SUPT3H: variants seen among roughly 807,000 people sequenced by gnomAD.
The protein encoded by SUPT3H is SPT3 homolog, SAGA and STAGA complex component.
SUPT3H carries 44 observed loss-of-function variants against 44.3 expected under a neutral mutation model. The observed-to-expected ratio is 0.99, with a 90% CI of 0.78 to 1.28. SUPT3H has a LOEUF of 1.28. Among genes scored for constraint, SUPT3H ranks in the 50% most tolerant of loss-of-function variants. The probability of loss-of-function intolerance (pLI) is 0.00; values close to 1 mark genes in which losing one functional copy is unlikely to be tolerated. For synonymous variants in SUPT3H, 124 were observed against 125.6 expected (o/e 0.99, Z 0.09); for missense variants, 380 against 387.1 (o/e 0.98, Z 0.15).
intron 3 of SUPT3H, among the ~76,000 whole-genome samples, chr6:45,022,838 C>G (rs1295264857): frequency 6.6e-6 from 1 of 152,076 alleles, no homozygotes; most frequent in Admixed American, 6.6e-5. Context: ...GCACTTAGCC[C>G]TATGGAACCT....
intron 2 of SUPT3H, among the ~76,000 whole-genome samples, chr6:45,167,425 C>T (rs1810068556): frequency 6.6e-6 from 1 of 152,102 alleles, no homozygotes; most frequent in African/African-American, 2.4e-5. Context: ...AATTCTAATC[C>T]CTATGTGAGA....
intron 10 of SUPT3H, among the ~76,000 whole-genome samples, chr6:44,904,469 G>GTA (rs1765645652): frequency 6.6e-6 from 1 of 152,144 alleles, no homozygotes; most frequent in African/African-American, 2.4e-5. Context: ...CAAGGGACAT[G>GTA]AAGGACCTCT....
At position 45,011,619 on chromosome 6, in the gene SUPT3H, T is replaced by C. The variant is rs140705074; in HGVS notation, c.364+3182A>G. 3.3e-5 allele frequency among the ~76,000 whole-genome samples: 5 copies of C among 152,176 alleles called. No individual in the cohort carries two copies. The East Asian group carries it at 7.7e-4, about 24-fold the overall frequency. On this transcript the variant is annotated intron_variant, in intron 5 of 10. Coordinates refer to ENST00000371459, the MANE Select transcript of SUPT3H (RefSeq NM_003599.4). ...CCCAACATAACAATTTTTATATACA[T>C]AGTGTTTTATATAGCTGCTTTATAA...
In SUPT3H at chr6:45,314,404, C is replaced by A. The variant is rs756751463; in HGVS notation, c.101+50797G>T. On this transcript the variant is annotated intron_variant, in intron 2 of 10. Coordinates refer to ENST00000371459, the MANE Select transcript of SUPT3H (RefSeq NM_003599.4). ...TTTACCTTGGAAACCCTAAGTACTT[C>A]TCCAGAAAGCTCCTAGAATTGATAA... is the stretch of plus-strand genomic sequence containing the variant. Among the ~76,000 whole-genome samples the A allele has an allele frequency of 5.3e-5, 8 of 152,138 alleles. No homozygotes were observed. In the South Asian group the frequency reaches 6.2e-4, roughly 12 times the overall value.
intron 3 of SUPT3H, among the ~76,000 whole-genome samples, chr6:45,036,556 C>A (rs139531801): frequency 1.5e-3 from 222 of 152,228 alleles, no homozygotes; most frequent in African/African-American, 5.1e-3. Context: ...TAAAAAGTTA[C>A]ATTGCCATTT....
intron 3 of SUPT3H, among the ~76,000 whole-genome samples, chr6:45,067,426 C>A (rs1410491957): frequency 7.7e-6 from 1 of 129,284 alleles, no homozygotes. Flanking sequence ...TTCCAAAACA[C>A]CAAAAGCAAA....
At chr6:45,130,709 C>CA (rs1803316293) in intron 2 of SUPT3H, among the ~76,000 whole-genome samples, 1 of 91,334 alleles carries the variant, frequency 1.1e-5, no homozygotes. Context: ...AAAAAAAAAA[C>CA]CACTTTTTTT....
At chr6:45,015,958 T>C (rs76984334) in intron 4 of SUPT3H, among the ~76,000 whole-genome samples, 1 of 152,184 alleles carries the variant, frequency 6.6e-6, no homozygotes, top group Non-Finnish European at 1.5e-5. Flanking sequence ...TTGGTATATC[T>C]CATGAAGGAA....
At chr6:45,269,028 G>T (rs1313547959) in intron 2 of SUPT3H, among the ~76,000 whole-genome samples, 2 of 152,112 alleles carry the variant, frequency 1.3e-5, no homozygotes, top group African/African-American at 4.8e-5. Flanking sequence ...GTTCTGGAAA[G>T]TCAATCACCT....
intron 2 of SUPT3H, among the ~76,000 whole-genome samples, chr6:45,330,644 C>G (rs1464381464): frequency 6.6e-6 from 1 of 151,968 alleles, no homozygotes; most frequent in African/African-American, 2.4e-5. Flanking sequence ...GGATCTTATA[C>G]TTCTGTAACA....
chr6:45,156,352 T>C (rs942803021), intron 2 of SUPT3H, among the ~76,000 whole-genome samples: 1 of 152,168 alleles, frequency 6.6e-6, no homozygotes, highest in African/African-American at 2.4e-5. Context: ...AACATTTGTA[T>C]AGTGTTTTTT....
chr6:44,860,463 C>A (rs34243039), intron 10 of SUPT3H, among the ~76,000 whole-genome samples: 23,953 of 152,164 alleles, frequency 0.16, 2,287 homozygotes, highest in Admixed American at 0.28. Flanking sequence ...TTTAGTTCAA[C>A]CTTCTCATTG....
intron 3 of SUPT3H, among the ~76,000 whole-genome samples, chr6:45,077,377 A>C (rs1052929433): frequency 6.6e-5 from 10 of 152,146 alleles, no homozygotes; most frequent in Non-Finnish European, 1.3e-4. Context: ...CTATAATCCC[A>C]GCACTTTGGC....
intron 3 of SUPT3H, among the ~76,000 whole-genome samples, chr6:45,090,021 T>A (rs1168020668): frequency 6.6e-6 from 1 of 152,050 alleles, no homozygotes; most frequent in Non-Finnish European, 1.5e-5. Context: ...CTCATACAAC[T>A]GGAAACCCAT....
At chr6:45,347,843 T>C (rs1432317077) in intron 2 of SUPT3H, among the ~76,000 whole-genome samples, 1 of 152,122 alleles carries the variant, frequency 6.6e-6, no homozygotes, top group Non-Finnish European at 1.5e-5. Context: ...CACATTGTAA[T>C]TACTATTTTT....
intron 2 of SUPT3H, among the ~76,000 whole-genome samples, chr6:45,160,565 T>G (rs1340207409): frequency 6.6e-6 from 1 of 151,604 alleles, no homozygotes; most frequent in African/African-American, 2.4e-5. Context: ...TATATATAAG[T>G]GAATTACGGT....
In SUPT3H at chr6:45,196,451, G is replaced by T. The variant is rs111691146; in HGVS notation, c.102-90445C>A. 9.0e-3 allele frequency among the ~76,000 whole-genome samples: 1,375 copies of T among 152,006 alleles called. 15 individuals carry two copies. The highest frequency in any genetic ancestry group is 0.028 in the South Asian group (136 of 4,810). On this transcript the variant is annotated intron_variant, in intron 2 of 10. Transcript: ENST00000371459. ...CCATATTTCTTCAGAAATACAATCA[G>T]GTAAAAATTAGGAAGATCTCTACCA...
intron 3 of SUPT3H, among the ~76,000 whole-genome samples, chr6:45,020,865 T>C (rs1314734028): frequency 6.6e-6 from 1 of 151,984 alleles, no homozygotes; most frequent in Non-Finnish European, 1.5e-5. Context: ...AGAAATCTTT[T>C]ATTTCTTTCT....
At chr6:45,057,607 T>A (rs1791336849) in intron 3 of SUPT3H, among the ~76,000 whole-genome samples, 1 of 152,194 alleles carries the variant, frequency 6.6e-6, no homozygotes, top group Non-Finnish European at 1.5e-5. Context: ...TGGCAGTATT[T>A]ATTTTGCTGT....
Sources: allele counts gnomAD v4.1 joint callset (sites outside exome capture counted in the v4.1 genomes callset), GRCh38; gene constraint gnomAD v4.1.1; transcripts MANE v1.5; gene names NCBI Gene and HGNC (gene_info 2026-07-23, HGNC 2026-07-21).